The following PDE4B variants were observed in gnomAD, a reference collection of about 807,000 sequenced individuals.
PDE4B encodes the protein 3',5'-cyclic-AMP phosphodiesterase 4B.
PDE4B carries 20 observed loss-of-function variants against 82.2 expected under a neutral mutation model. That is an observed-to-expected ratio of 0.24 (90% CI 0.17 to 0.35). The LOEUF is 0.35. Ranked by LOEUF, PDE4B falls within the 10% of genes least tolerant of loss-of-function variation. The pLI is 1.00. For missense variants in PDE4B, 655 were observed against 907.2 expected (o/e 0.72, Z 3.57); for synonymous variants, 320 against 318.9 (o/e 1.00, Z -0.04).
intron 3 of PDE4B, among the ~76,000 whole-genome samples, chr1:66,039,582 T>G (rs1222345407): frequency 6.6e-6 from 1 of 152,040 alleles, no homozygotes; most frequent in East Asian, 1.9e-4. Context: ...TCTATAATCT[T>G]TCTATCTATC....
intron 1 of PDE4B, among the ~76,000 whole-genome samples, chr1:65,821,663 T>C (rs1219848725): frequency 6.6e-6 from 1 of 152,258 alleles, no homozygotes; most frequent in Non-Finnish European, 1.5e-5. Context: ...CTTCTCTTTC[T>C]ACAAACAGAA....
intron 1 of PDE4B, among the ~76,000 whole-genome samples, chr1:65,843,017 G>T (rs1646225683): frequency 6.6e-6 from 1 of 152,114 alleles, no homozygotes; most frequent in South Asian, 2.1e-4. Flanking sequence ...GGATTTGGGG[G>T]ATAACTATCA....
At chr1:66,139,528 A>T (rs1364920175) in intron 3 of PDE4B, among the ~76,000 whole-genome samples, 4 of 152,142 alleles carry the variant, frequency 2.6e-5, no homozygotes, top group Non-Finnish European at 4.4e-5. Context: ...GCCCATCAGG[A>T]TATTCCAATA....
intron 1 of PDE4B, among the ~76,000 whole-genome samples, chr1:65,869,876 G>T (rs947738133): frequency 6.7e-6 from 1 of 149,398 alleles, no homozygotes; most frequent in African/African-American, 2.5e-5. Context: ...TTTGTAACTT[G>T]TAACTTTTTT....
rs542981880 is a variant in PDE4B at position 66,119,358 on chromosome 1, A to G, written c.282-128102A>G. 5.3e-5 allele frequency among the ~76,000 whole-genome samples: 8 copies of G among 152,332 alleles called. No individual in the cohort carries two copies. The East Asian group carries it at 1.3e-3, about 26-fold the overall frequency. ...TACATTGAGTCTTGTAGAATCAGGT[A>G]GGGCCTGACCTTTTAAGACCATTAT... On this transcript the variant is annotated intron_variant, in intron 3 of 16. Transcript: ENST00000341517.
At chr1:66,051,009 A>C (rs1353693459) in intron 3 of PDE4B, among the ~76,000 whole-genome samples, 1 of 152,132 alleles carries the variant, frequency 6.6e-6, no homozygotes, top group Non-Finnish European at 1.5e-5. Context: ...GGAAATGTAA[A>C]AAACTGGATC....
intron 3 of PDE4B, among the ~76,000 whole-genome samples, chr1:66,211,408 G>A (rs1650038338): frequency 6.6e-6 from 1 of 152,090 alleles, no homozygotes; most frequent in Non-Finnish European, 1.5e-5. Flanking sequence ...AATTTACTGA[G>A]TAGACAGAAG....
At chr1:66,046,376 C>A (rs997301941) in intron 3 of PDE4B, 12 of 151,662 alleles carry the variant, frequency 7.9e-5, no homozygotes, top group African/African-American at 2.9e-4. Flanking sequence ...AGCCACAAAC[C>A]TCACAAAATT....
At chr1:66,040,350 C>A (rs1316035050) in intron 3 of PDE4B, among the ~76,000 whole-genome samples, 4 of 151,938 alleles carry the variant, frequency 2.6e-5, no homozygotes, top group Non-Finnish European at 5.9e-5. Flanking sequence ...AATTCTCTTC[C>A]CTTCCTAACT....
chr1:65,866,913 G>A (rs538797330), intron 1 of PDE4B, among the ~76,000 whole-genome samples: 260 of 152,294 alleles, frequency 1.7e-3, no homozygotes, highest in Non-Finnish European at 3.0e-3. Context: ...GTTAGAAAAC[G>A]TGAATATAAC....
intron 3 of PDE4B, among the ~76,000 whole-genome samples, chr1:66,191,705 T>C (rs1332644764): frequency 6.6e-6 from 1 of 152,142 alleles, no homozygotes; most frequent in African/African-American, 2.4e-5. Flanking sequence ...ACGCTGCTGA[T>C]AAAGACATAC....
At chr1:66,170,981 A>C (rs1023522145) in intron 3 of PDE4B, among the ~76,000 whole-genome samples, 7 of 152,174 alleles carry the variant, frequency 4.6e-5, no homozygotes, top group Admixed American at 4.6e-4. Flanking sequence ...GGCTTTTTGG[A>C]GAGCAGAAAT....
intron 1 of PDE4B, among the ~76,000 whole-genome samples, chr1:65,825,770 T>C (rs937917081): frequency 6.6e-6 from 1 of 150,864 alleles, no homozygotes; most frequent in Non-Finnish European, 1.5e-5. Flanking sequence ...CAACATTCTC[T>C]TGGTGAGTTT....
At chr1:65,964,313 G>T (rs1487039717) in intron 3 of PDE4B, among the ~76,000 whole-genome samples, 2 of 152,124 alleles carry the variant, frequency 1.3e-5, no homozygotes. Context: ...CAATTAAAAG[G>T]TTTCCAAGAC....
chr1:65,918,647 C>T lies in PDE4B; in HGVS notation c.93C>T (p.Ser31=), dbSNP rs1406761264. 4 of 1,613,294 alleles carry T rather than the reference C, an allele frequency of 2.5e-6. No individual in the cohort carries two copies. Among genetic ancestry groups the T allele is most frequent in the Admixed American group, 3.3e-5 (2 of 60,010 alleles). The change falls in exon 3 of 17, where the codon TCC becomes TCT. Residue 31 remains serine (S), a synonymous_variant. Transcript: ENST00000341517. Reference sequence around the variant, plus strand: ...GCTTGAGTAAATCCTACAGTTCTTCCAGTAACACACTTGGGATCGACCTCT... The same window carrying T: ...GCTTGAGTAAATCCTACAGTTCTTCTAGTAACACACTTGGGATCGACCTCT... ...ECSLSKSYSS[S]SNTLGIDLWR... is the part of the protein sequence containing the mutation.
intron 3 of PDE4B, among the ~76,000 whole-genome samples, chr1:65,940,868 A>G (rs1387857342): frequency 6.6e-6 from 1 of 152,106 alleles, no homozygotes; most frequent in Non-Finnish European, 1.5e-5. Flanking sequence ...GAGAATAAAT[A>G]TAGTATTAAT....
At chr1:65,930,890 G>A (rs1307385163) in intron 3 of PDE4B, among the ~76,000 whole-genome samples, 1 of 152,174 alleles carries the variant, frequency 6.6e-6, no homozygotes, top group Admixed American at 6.5e-5. Context: ...GTGTGAGAAG[G>A]ACATGAGATT....
At chr1:65,852,328 C>T (rs1159517839) in intron 1 of PDE4B, among the ~76,000 whole-genome samples, 1 of 151,868 alleles carries the variant, frequency 6.6e-6, no homozygotes, top group Non-Finnish European at 1.5e-5. Context: ...TTCAATAAAG[C>T]AATCCGAGTT....
chr1:66,172,198 G>T (rs765774741), intron 3 of PDE4B, among the ~76,000 whole-genome samples: 1 of 152,140 alleles, frequency 6.6e-6, no homozygotes, highest in Non-Finnish European at 1.5e-5. Context: ...GAGAACATGA[G>T]GTATTTGCTT....
Sources: allele counts gnomAD v4.1 joint callset (sites outside exome capture counted in the v4.1 genomes callset), GRCh38; gene constraint gnomAD v4.1.1; transcripts MANE v1.5; gene names NCBI Gene and HGNC (gene_info 2026-07-23, HGNC 2026-07-21).